IGFN1: variants seen among roughly 807,000 people sequenced by gnomAD.
IGFN1 encodes the protein immunoglobulin like and fibronectin type III domain containing 1, also known as immunoglobulin-like and fibronectin type III domain-containing protein 1.
IGFN1 carries 253 observed loss-of-function variants against 289.5 expected under a neutral mutation model. That is an observed-to-expected ratio of 0.87 (90% CI 0.79 to 0.97). The LOEUF is 0.97. IGFN1 is among the 50% of genes least tolerant of loss of function. The pLI, the probability that IGFN1 is intolerant of heterozygous loss-of-function variation, is 0.00. For missense variants in IGFN1, 4,470 were observed against 4,686.1 expected, an observed-to-expected ratio of 0.95 and a Z score of 1.35; for synonymous variants, 1,706 against 1,788.5, an observed-to-expected ratio of 0.95 and a Z score of 1.16.
chr1:201,224,792 C>A lies in IGFN1; in HGVS notation c.10404C>A (p.Leu3468=), dbSNP rs147363238. Reference sequence around the variant, plus strand: ...AGCTTCTGATCCCTGTGGCTGGACTCTCAGACAGTGGTCTCTACACTGTGG... The same window carrying A: ...AGCTTCTGATCCCTGTGGCTGGACTATCAGACAGTGGTCTCTACACTGTGG... ...LTQLLIPVAG[L]SDSGLYTVVL... is the part of the protein sequence containing the mutation. The change falls in exon 21 of 24, where the codon CTC becomes CTA. Residue 3468 remains leucine (L), a synonymous_variant. Transcript: ENST00000335211. 6.2e-7 allele frequency: 1 copy of A among 1,614,192 alleles called. No homozygotes were observed. The highest frequency in any genetic ancestry group is 8.5e-7 in the Non-Finnish European group (1 of 1,180,018).
At chr1:201,213,755 T>C in intron 12 of IGFN1, 134 bp downstream of exon 12, 1 of 729,136 alleles carries the variant, frequency 1.4e-6, no homozygotes, top group Non-Finnish European at 2.2e-6. Context: ...CTCCCCATTC[T>C]CAGGAATCTT....
intron 22 of IGFN1, 88 bp from the exon 23 acceptor site, chr1:201,226,793 AG>A (rs1416476195): frequency 1.0e-6 from 1 of 993,390 alleles, no homozygotes; most frequent in African/African-American, 1.6e-5. Context: ...CCTACATGGT[AG>A]CTTCATGAAC....
chr1:201,200,502 G>T (rs1667106185), intron 8 of IGFN1, 91 bp downstream of exon 8: 2 of 1,032,802 alleles, frequency 1.9e-6, no homozygotes, highest in Non-Finnish European at 2.9e-6. Flanking sequence ...CTTGGAGGCA[G>T]AACTTAGGAA....
chr1:201,225,548 G>A (rs942791076), intron 21 of IGFN1, among the ~76,000 whole-genome samples: 11 of 152,320 alleles, frequency 7.2e-5, no homozygotes, highest in South Asian at 2.1e-4. Flanking sequence ...AGCCGAGATC[G>A]TGCCACTGCA....
intron 9 of IGFN1, among the ~76,000 whole-genome samples, chr1:201,202,639 G>A (rs1667212654): frequency 6.6e-6 from 1 of 151,956 alleles, no homozygotes; most frequent in Non-Finnish European, 1.5e-5. Flanking sequence ...GCACTCAGGA[G>A]CCCTGGACCC....
chr1:201,212,232 G>T lies in IGFN1; in HGVS notation c.7339G>T (p.Val2447Leu). 1.3e-6 allele frequency: 2 copies of T among 1,534,682 alleles called. No individual in the cohort carries two copies. Among genetic ancestry groups the T allele is most frequent in the South Asian group, 2.4e-5 (2 of 83,776 alleles). Residue 2447 changes from valine to leucine, a missense_variant, in exon 12 of 24, where the codon GTG becomes TTG. Val to Leu is a conservative substitution (Grantham distance 32, BLOSUM62 1). Transcript: ENST00000335211. The part of the protein sequence containing the change: ...AHRDSLRGTG[V>L]LGSQGGRQTL... ...CAGAGACAGCCTCAGGGGCACAGGG[G>T]TGCTGGGGTCTCAGGGAGGGCGACA... is the stretch of plus-strand genomic sequence containing the variant.
chr1:201,199,970 CT>C (rs1558135311), intron 7 of IGFN1, among the ~76,000 whole-genome samples: 2 of 152,034 alleles, frequency 1.3e-5, no homozygotes, highest in African/African-American at 4.8e-5. Context: ...GCAACACCCA[CT>C]TTCCCCAGAC....
intron 21 of IGFN1, 85 bp downstream of exon 21, chr1:201,224,959 C>T: frequency 1.1e-6 from 1 of 941,452 alleles, no homozygotes. Flanking sequence ...GATCATAGGT[C>T]TCAGCCACTC....
rs1160348315 is a variant in IGFN1, at chr1:201,218,610, G to A, written c.9850G>A (p.Gly3284Arg). Residue 3284 changes from glycine to arginine, a missense_variant, in exon 18 of 24, where the codon GGA (glycine) becomes AGA (arginine). Gly to Arg is a moderately radical substitution (Grantham distance 125, BLOSUM62 -2). Around this residue, in one of 8 missense-constraint regions of IGFN1, gnomAD observed 2,218 missense variants for 2,114.1 expected, o/e 1.05. Transcript: ENST00000335211. ...RVTAVAPSGP[G>R]EPGPPSDAVF... The stretch of plus-strand genomic sequence containing the variant: ...CACAGCTGTGGCTCCCTCAGGTCCC[G>A]GAGAGCCTGGACCTCCATCGGATGC... 30 of 1,611,988 alleles carry A rather than the reference G, an allele frequency of 1.9e-5. No homozygotes were observed. The highest frequency in any genetic ancestry group is 8.8e-5 in the South Asian group (8 of 91,040).
At chr1:201,219,852 G>A (rs1653598087) in intron 18 of IGFN1, among the ~76,000 whole-genome samples, 1 of 152,152 alleles carries the variant, frequency 6.6e-6, no homozygotes, top group Non-Finnish European at 1.5e-5. Context: ...GAGGAAAGCC[G>A]GCCCATGCAA....
At chr1:201,196,184 G>A (rs1180329741) in intron 4 of IGFN1, among the ~76,000 whole-genome samples, 1 of 152,228 alleles carries the variant, frequency 6.6e-6, no homozygotes, top group Non-Finnish European at 1.5e-5. Flanking sequence ...GATAACCTGG[G>A]AGGTGGTGTA....
At chr1:201,203,708 G>T in intron 9 of IGFN1, 30 bp from the exon 10 acceptor site, 2 of 1,548,776 alleles carry the variant, frequency 1.3e-6, no homozygotes, top group Non-Finnish European at 1.7e-6. Flanking sequence ...ACCCACTGAG[G>T]CCCGCCTCCT....
At chr1:201,201,860 G>A (rs1418294861) in intron 9 of IGFN1, 28 bp downstream of exon 9, 1 of 959,288 alleles carries the variant, frequency 1.0e-6, no homozygotes, top group Non-Finnish European at 1.6e-6. Context: ...ATGGGTGGGG[G>A]GGATCTGGCA....
At position 201,212,237 on chromosome 1, in the gene IGFN1, G is replaced by A. The variant is rs1371034364; in HGVS notation, c.7344G>A (p.Leu2448=). The part of the protein sequence containing the change: ...HRDSLRGTGV[L]GSQGGRQTLS... ...ACAGCCTCAGGGGCACAGGGGTGCTGGGGTCTCAGGGAGGGCGACAGACTC... is the reference window on the plus strand; with the variant it reads ...ACAGCCTCAGGGGCACAGGGGTGCTAGGGTCTCAGGGAGGGCGACAGACTC... Residue 2448 remains leucine (L), a synonymous_variant, in exon 12 of 24, where the codon CTG becomes CTA. Transcript: ENST00000335211. 2 of 1,534,608 alleles carry A rather than the reference G, an allele frequency of 1.3e-6. No homozygotes were observed. The highest frequency in any genetic ancestry group is 8.7e-7 in the Non-Finnish European group (1 of 1,145,808).
chr1:201,227,345 T>A (rs1654178009), intron 23 of IGFN1, 137 bp downstream of exon 23: 1 of 614,820 alleles, frequency 1.6e-6, no homozygotes, highest in Non-Finnish European at 2.8e-6. Flanking sequence ...CCTGACTCTA[T>A]GAACTTTCAG....
At chr1:201,199,213 G>A in intron 5 of IGFN1, 121 bp from the exon 6 acceptor site, 6 of 839,128 alleles carry the variant, frequency 7.2e-6, no homozygotes, top group Non-Finnish European at 1.2e-5. Flanking sequence ...ACGCCTTAGA[G>A]GACAGTGGGG....
At chr1:201,227,604 A>C (rs1299022115) in intron 23 of IGFN1, among the ~76,000 whole-genome samples, 2 of 151,492 alleles carry the variant, frequency 1.3e-5, no homozygotes, top group Non-Finnish European at 2.9e-5. Context: ...ATTTTTTTGT[A>C]TTTTTAATAG....
Position 201,217,282 on chromosome 1 carries a change from C to T in IGFN1, c.9596-5C>T, listed in dbSNP as rs1417489086. 7 of 1,612,666 alleles carry T rather than the reference C, an allele frequency of 4.3e-6. No homozygotes were observed. Among genetic ancestry groups the T allele is most frequent in the Middle Eastern group, 3.6e-4 (2 of 5,562 alleles). On this transcript the variant is annotated splice_region_variant and splice_polypyrimidine_tract_variant and intron_variant, in intron 16 of 23. Coordinates refer to ENST00000335211, the MANE Select transcript of IGFN1 (RefSeq NM_001164586.2). ...CTGGCTGACTGGAATCTTTCTTACC[C>T]CCAGCTCTCCCCAAGGCCCCTTCCG...
chr1:201,194,274 G>T lies in IGFN1; in HGVS notation c.127+1G>T. ...CCCGTCACCTCGGCTCTGCCAGAGG[G>T]TGAGCCCAGAGGGGAGCTGCGGAGG... is the stretch of plus-strand genomic sequence containing the variant. On this transcript the variant is annotated splice_donor_variant, in intron 3 of 23. Coordinates refer to ENST00000335211, the MANE Select transcript of IGFN1 (RefSeq NM_001164586.2). LOFTEE classifies it high-confidence loss of function. 1.3e-6 allele frequency: 2 copies of T among 1,551,354 alleles called. No homozygotes were observed. Among genetic ancestry groups the T allele is most frequent in the East Asian group, 4.9e-5 (2 of 40,896 alleles).
Sources: allele counts gnomAD v4.1 joint callset (sites outside exome capture counted in the v4.1 genomes callset), GRCh38; gene constraint gnomAD v4.1.1; regional missense constraint gnomAD v4.1.1; transcripts MANE v1.5; gene names NCBI Gene and HGNC (gene_info 2026-07-23, HGNC 2026-07-21).